Variants in MACROD2 observed in about 807,000 individuals in gnomAD.
The protein encoded by MACROD2 is ADP-ribose glycohydrolase MACROD2.
In MACROD2, 36 loss-of-function variants were observed where a neutral mutation model predicts 70.4. The ratio of observed to expected loss-of-function variants is 0.51; its 90% CI spans 0.39 to 0.68. The LOEUF is 0.68. Among genes scored for constraint, MACROD2 ranks in the 30% least tolerant of loss-of-function variants. The pLI, the probability that MACROD2 is intolerant of heterozygous loss-of-function variation, is 0.00. For synonymous variants in MACROD2, 172 were observed against 178.8 expected, an observed-to-expected ratio of 0.96 and a Z score of 0.30; for missense variants, 496 against 538.4, an observed-to-expected ratio of 0.92 and a Z score of 0.78.
intron 6 of MACROD2, among the ~76,000 whole-genome samples, chr20:15,402,947 TTTTTG>T (rs1214155391): frequency 2.6e-5 from 4 of 152,010 alleles, no homozygotes; most frequent in Non-Finnish European, 4.4e-5. Flanking sequence ...ACAGGTGTTT[TTTTTG>T]TTTTGTTTTG....
In MACROD2 at chr20:15,431,923, T is replaced by G. The variant is rs867281223; in HGVS notation, c.571+488T>G. Among the ~76,000 whole-genome samples the G allele has an allele frequency of 9.2e-4, 113 of 122,818 alleles. No homozygotes were observed. In the Middle Eastern group the frequency reaches 0.036, roughly 40 times the overall value. The allele number at this position is 122,818 out of a possible 152,430, so 80.6% of individuals were successfully genotyped here. A position where few individuals can be genotyped will look rare whatever the true frequency, so the allele number is the denominator to read the frequency against. On this transcript the variant is annotated intron_variant, in intron 7 of 17. Transcript: ENST00000684519. ...TGAAGAATTTTAATAAACTGCAAATTTTTTTTTCTGCATAGTGATGGATTG... is the reference window on the plus strand; with the variant it reads ...TGAAGAATTTTAATAAACTGCAAATGTTTTTTTCTGCATAGTGATGGATTG...
At chr20:16,032,068 T>C (rs2067158755) in intron 15 of MACROD2, among the ~76,000 whole-genome samples, 1 of 152,174 alleles carries the variant, frequency 6.6e-6, no homozygotes, top group Non-Finnish European at 1.5e-5. Flanking sequence ...CTTTCTGTTG[T>C]TTTTTAATGT....
rs973753679 is a variant in MACROD2 at position 14,245,196 on chromosome 20, C to T, written c.271+159468C>T. Among the ~76,000 whole-genome samples the T allele has an allele frequency of 5.3e-5, 8 of 152,104 alleles. No homozygotes were observed. The South Asian group carries it at 1.5e-3, about 28-fold the overall frequency. The stretch of plus-strand genomic sequence containing the variant: ...TGGCTAACAAGGTGAAACCCCGTCT[C>T]TACTAAAAATACACAAATCAGCCGG... On this transcript the variant is annotated intron_variant, in intron 3 of 17. Coordinates refer to ENST00000684519, the MANE Select transcript of MACROD2 (RefSeq NM_001351661.2).
chr20:15,879,594 A>G (rs925993718), intron 9 of MACROD2, among the ~76,000 whole-genome samples: 1 of 152,172 alleles, frequency 6.6e-6, no homozygotes, highest in Non-Finnish European at 1.5e-5. Context: ...AAAAGATGGT[A>G]TGTCACTCCT....
chr20:14,685,074 G>A, intron 5 of MACROD2, 115 bp downstream of exon 5: 1 of 782,318 alleles, frequency 1.3e-6, no homozygotes, highest in East Asian at 2.6e-5. Context: ...ATGTGCTTGA[G>A]TTCAGATTTT....
chr20:14,206,312 C>T (rs1009737171), intron 3 of MACROD2, among the ~76,000 whole-genome samples: 1 of 152,198 alleles, frequency 6.6e-6, no homozygotes, highest in East Asian at 1.9e-4. Context: ...CGCTGTGGAA[C>T]TGATGGGGCA....
chr20:15,252,437 T>G (rs562999414), intron 6 of MACROD2, among the ~76,000 whole-genome samples: 2 of 152,288 alleles, frequency 1.3e-5, no homozygotes, highest in Non-Finnish European at 2.9e-5. Context: ...CACATCACCT[T>G]CACTCTGGGA....
intron 3 of MACROD2, among the ~76,000 whole-genome samples, chr20:14,208,509 G>A (rs533310307): frequency 6.6e-6 from 1 of 152,146 alleles, no homozygotes; most frequent in Non-Finnish European, 1.5e-5. Context: ...GAACCCAAGA[G>A]TTCAGAACAG....
At chr20:14,777,449 T>A (rs1406487794) in intron 5 of MACROD2, among the ~76,000 whole-genome samples, 1 of 152,050 alleles carries the variant, frequency 6.6e-6, no homozygotes, top group Middle Eastern at 3.2e-3. Context: ...GCTGGAAAGC[T>A]ATCAGAACCA....
intron 5 of MACROD2, among the ~76,000 whole-genome samples, chr20:14,897,941 C>T (rs879273365): frequency 6.6e-6 from 1 of 152,082 alleles, no homozygotes; most frequent in Non-Finnish European, 1.5e-5. Flanking sequence ...CATGAGAAGT[C>T]TGCCCTCATG....
At chr20:14,478,904 C>G (rs991990503) in intron 3 of MACROD2, among the ~76,000 whole-genome samples, 1 of 151,890 alleles carries the variant, frequency 6.6e-6, no homozygotes, top group South Asian at 2.1e-4. Flanking sequence ...ACTGTGATGC[C>G]TGAGGGGACA....
chr20:15,658,911 A>G (rs2049774658), intron 8 of MACROD2, among the ~76,000 whole-genome samples: 1 of 152,242 alleles, frequency 6.6e-6, no homozygotes, highest in African/African-American at 2.4e-5. Flanking sequence ...TGATTCTTCT[A>G]GCCAGAAGAG....
chr20:15,391,252 ATCT>A (rs996144792), intron 6 of MACROD2, among the ~76,000 whole-genome samples: 10 of 152,260 alleles, frequency 6.6e-5, no homozygotes, highest in Admixed American at 2.6e-4. Flanking sequence ...TGGCACAAAC[ATCT>A]GCTCGATCAG....
intron 5 of MACROD2, among the ~76,000 whole-genome samples, chr20:14,799,727 A>G (rs2072551762): frequency 6.6e-6 from 1 of 152,050 alleles, no homozygotes; most frequent in Non-Finnish European, 1.5e-5. Context: ...AGGTAACAGT[A>G]CAAAGCACCA....
At chr20:14,898,485 T>C (rs961555656) in intron 5 of MACROD2, among the ~76,000 whole-genome samples, 2 of 152,102 alleles carry the variant, frequency 1.3e-5, no homozygotes, top group African/African-American at 2.4e-5. Flanking sequence ...TCCCAGCACT[T>C]TGGGAGGCCG....
chr20:15,828,840 G>A (rs775884749), intron 8 of MACROD2, among the ~76,000 whole-genome samples: 2 of 152,208 alleles, frequency 1.3e-5, no homozygotes, highest in African/African-American at 4.8e-5. Context: ...TGAATAAATA[G>A]TGGGGATGCA....
At chr20:14,264,453 T>A (rs1262147063) in intron 3 of MACROD2, among the ~76,000 whole-genome samples, 1 of 152,114 alleles carries the variant, frequency 6.6e-6, no homozygotes, top group Non-Finnish European at 1.5e-5. Context: ...GCTATTGACA[T>A]GGGTGTTGAA....
chr20:15,558,717 G>C (rs1211075277), intron 8 of MACROD2, among the ~76,000 whole-genome samples: 1 of 152,184 alleles, frequency 6.6e-6, no homozygotes. Context: ...AGCTCAAGAA[G>C]TGTTGGTTAG....
chr20:14,716,633 G>A (rs1332722981), intron 5 of MACROD2, among the ~76,000 whole-genome samples: 4 of 152,132 alleles, frequency 2.6e-5, no homozygotes, highest in African/African-American at 9.7e-5. Flanking sequence ...CTGACTTGCA[G>A]AGAATCCATC....
Sources: gnomAD v4.1 joint callset for allele counts (sites outside exome capture counted in the v4.1 genomes callset) on GRCh38, gnomAD v4.1.1 for gene constraint, MANE v1.5 for transcripts, NCBI Gene and HGNC (gene_info 2026-07-23, HGNC 2026-07-21) for gene names.